PARD3B: variants seen among roughly 807,000 people sequenced by gnomAD.
PARD3B encodes par-3 family cell polarity regulator beta.
A neutral mutation model predicts 130.2 loss-of-function variants in PARD3B; 103 were observed. The observed-to-expected ratio is 0.79, with a 90% CI of 0.67 to 0.93. The LOEUF is 0.93. Ranked by LOEUF, PARD3B falls within the 40% of genes least tolerant of loss-of-function variation. PARD3B has a pLI of 0.00. For missense variants in PARD3B, 1,609 were observed against 1,499.2 expected (o/e 1.07, Z -1.21); for synonymous variants, 583 against 553.2 (o/e 1.05, Z -0.76).
At chr2:204,628,105 A>C (rs2034550471) in intron 1 of PARD3B, among the ~76,000 whole-genome samples, 1 of 151,572 alleles carries the variant, frequency 6.6e-6, no homozygotes, top group South Asian at 2.1e-4. Flanking sequence ...GACACCCCTG[A>C]TTTAGATCTT....
intron 3 of PARD3B, among the ~76,000 whole-genome samples, chr2:204,997,301 T>G (rs1196513127): frequency 2.0e-5 from 3 of 152,172 alleles, no homozygotes; most frequent in African/African-American, 4.8e-5. Context: ...AGATTTTGAT[T>G]GGGATTGAAT....
At chr2:204,990,847 T>G (rs1693606981) in intron 3 of PARD3B, among the ~76,000 whole-genome samples, 1 of 152,214 alleles carries the variant, frequency 6.6e-6, no homozygotes, top group Non-Finnish European at 1.5e-5. Context: ...TAATTTTGTC[T>G]GTTTAAAAGT....
At chr2:204,911,927 C>A (rs1331893878) in intron 2 of PARD3B, among the ~76,000 whole-genome samples, 1 of 151,414 alleles carries the variant, frequency 6.6e-6, no homozygotes, top group Non-Finnish European at 1.5e-5. Context: ...CTAAAAAAAA[C>A]AAAAAGTAAT....
Position 204,998,459 on chromosome 2 carries a change from TTA to T in PARD3B, c.394+33142_394+33143del, listed in dbSNP as rs1694517173. On this transcript the variant is annotated intron_variant, in intron 3 of 22. Transcript: ENST00000406610. ...ATGTGTGTGTATATATATGTGTATA[TTA>T]TATATGTATATATATGTGTATATAA... Among the ~76,000 whole-genome samples, 2 of 82,404 alleles carry T rather than the reference TTA, an allele frequency of 2.4e-5. 1 individual carries two copies. The allele number at this position is 82,404 out of a possible 152,430, so 54.1% of individuals were successfully genotyped here.
In PARD3B at chr2:204,989,459, T is replaced by A. The variant is rs182121585; in HGVS notation, c.394+24136T>A. Among the ~76,000 whole-genome samples, 8 of 152,246 alleles carry A rather than the reference T, an allele frequency of 5.3e-5. No homozygotes were observed. The East Asian group carries it at 9.7e-4, about 18-fold the overall frequency. On this transcript the variant is annotated intron_variant, in intron 3 of 22. Transcript: ENST00000406610. The stretch of plus-strand genomic sequence containing the variant: ...TAAATTAAATATTGAATTTGAGAGT[T>A]TTCTAAAACTGTGGTATGTATGAAG...
intron 16 of PARD3B, among the ~76,000 whole-genome samples, chr2:205,294,056 G>A (rs547926878): frequency 3.0e-4 from 45 of 152,168 alleles, no homozygotes; most frequent in African/African-American, 1.1e-3. Flanking sequence ...CTCTTCTGGA[G>A]ACCAATGCTG....
At chr2:204,553,828 T>C (rs1256250718) in intron 1 of PARD3B, among the ~76,000 whole-genome samples, 10 of 150,872 alleles carry the variant, frequency 6.6e-5, no homozygotes, top group Admixed American at 2.0e-4. Context: ...ACCCAAACAT[T>C]GTATGTTCTC....
intron 21 of PARD3B, among the ~76,000 whole-genome samples, chr2:205,506,026 T>C (rs1328398240): frequency 6.6e-6 from 1 of 152,094 alleles, no homozygotes; most frequent in Non-Finnish European, 1.5e-5. Flanking sequence ...ATATACCTGT[T>C]ACCACTGTCA....
chr2:204,652,934 C>T (rs1387664172), intron 1 of PARD3B, among the ~76,000 whole-genome samples: 1 of 151,066 alleles, frequency 6.6e-6, no homozygotes, highest in Non-Finnish European at 1.5e-5. Flanking sequence ...AGAACTCACT[C>T]ACTATCATGA....
intron 3 of PARD3B, among the ~76,000 whole-genome samples, chr2:205,025,369 A>G (rs1407718118): frequency 6.6e-6 from 1 of 152,198 alleles, no homozygotes; most frequent in Non-Finnish European, 1.5e-5. Context: ...TTTCTCCTAC[A>G]GATCTGACCG....
intron 2 of PARD3B, 54 bp from the exon 3 acceptor site, chr2:204,965,098 C>T: frequency 6.5e-7 from 1 of 1,542,400 alleles, no homozygotes; most frequent in East Asian, 2.3e-5. Context: ...TAGATAGTGT[C>T]CGTGTGGTAT....
In PARD3B at chr2:204,906,303, T is replaced by C. The variant is rs13402712; in HGVS notation, c.223-58849T>C. On this transcript the variant is annotated intron_variant, in intron 2 of 22. Transcript: ENST00000406610. This position sits in a 1 kb window ranked among gnomAD's most constrained non-coding sequence, Gnocchi z 4.3. Reference sequence around the variant, plus strand: ...ATGCAACCCATTTAGACTCAGACTTTTCTTGCTTTGAAATACCATAATAAC... The same window carrying C: ...ATGCAACCCATTTAGACTCAGACTTCTCTTGCTTTGAAATACCATAATAAC... 2.1e-3 allele frequency among the ~76,000 whole-genome samples: 322 copies of C among 152,288 alleles called. 2 individuals are homozygous for C. The highest frequency in any genetic ancestry group is 7.6e-3 in the African/African-American group (315 of 41,570).
intron 22 of PARD3B, among the ~76,000 whole-genome samples, chr2:205,595,199 C>T (rs912112093): frequency 6.6e-6 from 1 of 152,184 alleles, no homozygotes; most frequent in Non-Finnish European, 1.5e-5. Flanking sequence ...TGCACTGATG[C>T]ACCCAGAGAT....
At chr2:204,644,203 A>G (rs1390392072) in intron 1 of PARD3B, among the ~76,000 whole-genome samples, 1 of 152,050 alleles carries the variant, frequency 6.6e-6, no homozygotes, top group Non-Finnish European at 1.5e-5. Flanking sequence ...TCTAAAGTTG[A>G]AATTATGCTT....
At chr2:204,670,694 G>A (rs914164645) in intron 1 of PARD3B, among the ~76,000 whole-genome samples, 1 of 151,992 alleles carries the variant, frequency 6.6e-6, no homozygotes, top group African/African-American at 2.4e-5. Flanking sequence ...TTATTGTTAG[G>A]CTATTTGGTT....
chr2:205,112,976 A>T (rs1292507589), intron 5 of PARD3B, among the ~76,000 whole-genome samples: 1 of 152,208 alleles, frequency 6.6e-6, no homozygotes, highest in African/African-American at 2.4e-5. Flanking sequence ...GAACATGCCC[A>T]TATGTATTAC....
intron 20 of PARD3B, among the ~76,000 whole-genome samples, chr2:205,450,934 C>T (rs1559106978): frequency 6.6e-6 from 1 of 152,186 alleles, no homozygotes; most frequent in Non-Finnish European, 1.5e-5. Context: ...TACCATGTCA[C>T]TTGATTGTCC....
chr2:204,854,586 T>A (rs1291417251), intron 2 of PARD3B, among the ~76,000 whole-genome samples: 4 of 152,082 alleles, frequency 2.6e-5, no homozygotes, highest in South Asian at 2.1e-4. Flanking sequence ...CAAGGGTGAA[T>A]TGATGAATAT....
rs753067673 is a variant in PARD3B at position 205,590,362 on chromosome 2, C to T, written c.3261-25094C>T. On this transcript the variant is annotated intron_variant, in intron 22 of 22. Coordinates refer to ENST00000406610, the MANE Select transcript of PARD3B (RefSeq NM_001302769.2). This position sits in a 1 kb window ranked among gnomAD's most constrained non-coding sequence, Gnocchi z 4.1. ...CCACCATGGTGGCAAGATGGCTGCC[C>T]ACAGCATCAGGCTTACTTCCCCCTC... 4.2e-5 allele frequency among the ~76,000 whole-genome samples: 5 copies of T among 119,314 alleles called. No individual in the cohort carries two copies. The highest frequency in any genetic ancestry group is 8.8e-5 in the Non-Finnish European group (5 of 57,100). 78.3% of individuals were successfully genotyped at this position (119,314 alleles called of 152,430 possible).
Sources: allele counts gnomAD v4.1 joint callset (sites outside exome capture counted in the v4.1 genomes callset), GRCh38; gene constraint gnomAD v4.1.1; non-coding constraint Gnocchi (gnomAD v3.1); transcripts MANE v1.5; gene names NCBI Gene and HGNC (gene_info 2026-07-23, HGNC 2026-07-21).